THOC5: variants seen among roughly 807,000 people sequenced by gnomAD.
The protein encoded by THOC5 is Fms-interacting protein.
THOC5 carries 43 observed loss-of-function variants against 92.9 expected under a neutral mutation model. That is an observed-to-expected ratio of 0.46 (90% confidence interval 0.36 to 0.60). The LOEUF is 0.60. THOC5 is among the 20% of genes least tolerant of loss of function. The probability of loss-of-function intolerance (pLI) is 0.00; values close to 1 mark genes in which losing one functional copy is unlikely to be tolerated. For synonymous variants in THOC5, 296 were observed against 320.1 expected (o/e 0.92, Z 0.80); for missense variants, 659 against 849.4 (o/e 0.78, Z 2.79).
At chr22:29,517,233 G>GT in intron 16 of THOC5, 30 bp downstream of exon 16, 1 of 1,608,448 alleles carries the variant, frequency 6.2e-7, no homozygotes, top group Non-Finnish European at 8.5e-7. Context: ...CCTCAGGACA[G>GT]TAAGGGTAAC....
intron 9 of THOC5, 68 bp downstream of exon 9, chr22:29,529,094 A>G: frequency 6.6e-7 from 1 of 1,518,648 alleles, no homozygotes; most frequent in South Asian, 1.1e-5. Flanking sequence ...CTAGTTCTCC[A>G]AAGACCAGGA....
In THOC5 at chr22:29,519,127, G is replaced by A; in HGVS notation, c.1375-7C>T. 1 of 1,593,626 alleles carries A rather than the reference G, an allele frequency of 6.3e-7. No individual in the cohort carries two copies. Among genetic ancestry groups the A allele is most frequent in the South Asian group, 1.1e-5 (1 of 88,782 alleles). The stretch of plus-strand genomic sequence containing the variant: ...GGTCAGCAATCACTGTTTGCTGTGA[G>A]TGACAATGAGACACATACACGTGTG... On this transcript the variant is annotated splice_region_variant and splice_polypyrimidine_tract_variant and intron_variant, in intron 14 of 19. Coordinates refer to ENST00000490103, the MANE Select transcript of THOC5 (RefSeq NM_003678.5).
chr22:29,537,116 T>G (rs963670945), intron 6 of THOC5, among the ~76,000 whole-genome samples: 6 of 152,238 alleles, frequency 3.9e-5, no homozygotes, highest in African/African-American at 1.4e-4. Flanking sequence ...TCTGCTCCAT[T>G]TCTTGCTTGA....
intron 1 of THOC5, among the ~76,000 whole-genome samples, chr22:29,550,222 C>T (rs2064113764): frequency 6.6e-6 from 1 of 152,148 alleles, no homozygotes; most frequent in Non-Finnish European, 1.5e-5. Flanking sequence ...AAAACTGAGG[C>T]TCGCAAGGGG....
intron 6 of THOC5, among the ~76,000 whole-genome samples, chr22:29,538,173 G>A (rs923818291): frequency 1.3e-5 from 2 of 151,894 alleles, no homozygotes; most frequent in Admixed American, 6.6e-5. Flanking sequence ...TAGTAGAGAC[G>A]GGGTTTCACC....
intron 5 of THOC5, among the ~76,000 whole-genome samples, chr22:29,540,930 A>C (rs1437432533): frequency 6.6e-6 from 1 of 152,188 alleles, no homozygotes; most frequent in Non-Finnish European, 1.5e-5. Flanking sequence ...AAAAATCAGC[A>C]TCAGGGCTGG....
chr22:29,539,578 T>A, intron 5 of THOC5, 102 bp from the exon 6 acceptor site: 1 of 1,263,528 alleles, frequency 7.9e-7, no homozygotes, highest in Non-Finnish European at 1.1e-6. Flanking sequence ...TTAGTCCTGG[T>A]CTACAGGATC....
chr22:29,542,406 C>T (rs1449416380), intron 5 of THOC5, among the ~76,000 whole-genome samples: 1 of 152,196 alleles, frequency 6.6e-6, no homozygotes, highest in East Asian at 1.9e-4. Context: ...CTCCCACATT[C>T]ACCCTTGCAA....
chr22:29,538,045 C>T (rs939514079), intron 6 of THOC5, among the ~76,000 whole-genome samples: 2 of 152,074 alleles, frequency 1.3e-5, no homozygotes, highest in Non-Finnish European at 2.9e-5. Flanking sequence ...TGCAGTGGCG[C>T]AATCTCGGCT....
At chr22:29,519,936 G>A in intron 14 of THOC5, 72 bp downstream of exon 14, 1 of 1,316,736 alleles carries the variant, frequency 7.6e-7, no homozygotes, top group Non-Finnish European at 1.1e-6. Context: ...ACCTGGCCTG[G>A]CCTTTCTAGA....
At chr22:29,528,600 T>A in intron 9 of THOC5, 134 bp from the exon 10 acceptor site, 9 of 830,394 alleles carry the variant, frequency 1.1e-5, no homozygotes, top group Non-Finnish European at 1.7e-5. Flanking sequence ...AATAATAAAT[T>A]AACTTGCTGC....
intron 10 of THOC5, 112 bp downstream of exon 10, chr22:29,528,314 G>A (rs2063583948): frequency 1.9e-6 from 3 of 1,613,810 alleles, no homozygotes; most frequent in Non-Finnish European, 8.5e-7. Context: ...TCCCCTCCCA[G>A]CAGCACCTTC....
At chr22:29,544,684 C>T in intron 2 of THOC5, 81 bp from the exon 3 acceptor site, 1 of 1,349,462 alleles carries the variant, frequency 7.4e-7, no homozygotes, top group Non-Finnish European at 9.8e-7. Flanking sequence ...GCTGACATCT[C>T]CTTTTAGATA....
chr22:29,540,268 T>C (rs1232038767), intron 5 of THOC5, among the ~76,000 whole-genome samples: 1 of 152,214 alleles, frequency 6.6e-6, no homozygotes, highest in Non-Finnish European at 1.5e-5. Context: ...CGAGACTCCA[T>C]CTCAAAAAAA....
rs1186692140 is a variant in THOC5 at position 29,548,947 on chromosome 22, AG to A, written c.96+104del. On this transcript the variant is annotated intron_variant, in intron 2 of 19. Coordinates refer to ENST00000490103, the MANE Select transcript of THOC5 (RefSeq NM_003678.5). ...CCTGGTCAAGTGGAAGCCACCAAAA[AG>A]TTGTACCTGGTAGATGCGACCCCGA... is the stretch of plus-strand genomic sequence containing the variant. The A allele has an allele frequency of 4.9e-6, 5 of 1,028,742 alleles. No individual in the cohort carries two copies. The Admixed American group carries it at 1.3e-4, about 26-fold the overall frequency. The allele number at this position is 1,028,742 out of a possible 1,614,324, so 63.7% of individuals were successfully genotyped here. A position where few individuals can be genotyped will look rare whatever the true frequency, so the allele number is the denominator to read the frequency against.
Position 29,544,446 on chromosome 22 carries a change from G to C in THOC5, c.240+14C>G. 5 of 1,610,816 alleles carry C rather than the reference G, an allele frequency of 3.1e-6. No individual in the cohort carries two copies. The highest frequency in any genetic ancestry group is 4.2e-6 in the Non-Finnish European group (5 of 1,178,740). The stretch of plus-strand genomic sequence containing the variant: ...AACCCACCAGGTTCACGGCCACCTG[G>C]TCCCACTCCTTACCACATCCTTGCC... On this transcript the variant is annotated intron_variant, in intron 3 of 19. Coordinates refer to ENST00000490103, the MANE Select transcript of THOC5 (RefSeq NM_003678.5).
chr22:29,543,744 C>T (rs2063952181), intron 3 of THOC5, among the ~76,000 whole-genome samples: 1 of 152,136 alleles, frequency 6.6e-6, no homozygotes, highest in Non-Finnish European at 1.5e-5. Flanking sequence ...AAAGTAATTT[C>T]TGCTTGGACT....
intron 17 of THOC5, chr22:29,513,967 T>G (rs1244390311): frequency 7.0e-6 from 1 of 142,548 alleles, no homozygotes; most frequent in South Asian, 2.2e-4. Context: ...TTTTTTTTTT[T>G]GAGACAGAGT....
intron 10 of THOC5, 87 bp from the exon 11 acceptor site, chr22:29,528,264 T>C (rs1287917009): frequency 1.2e-6 from 2 of 1,613,900 alleles, no homozygotes; most frequent in African/African-American, 2.7e-5. Flanking sequence ...TCAGCCCTAC[T>C]GCCTGGCACC....
Sources: gnomAD v4.1 joint callset for allele counts (sites outside exome capture counted in the v4.1 genomes callset) on GRCh38, gnomAD v4.1.1 for gene constraint, MANE v1.5 for transcripts, NCBI Gene and HGNC (gene_info 2026-07-23, HGNC 2026-07-21) for gene names.